The following GLIS3 variants were observed in gnomAD, a reference collection of about 807,000 sequenced individuals.
The protein encoded by GLIS3 is zinc finger protein GLIS3.
GLIS3 carries 53 observed loss-of-function variants against 78.6 expected under a neutral mutation model. The observed-to-expected ratio is 0.67, with a 90% CI of 0.54 to 0.85. The LOEUF is 0.85. Among genes scored for constraint, GLIS3 ranks in the 40% least tolerant of loss-of-function variants. The pLI, the probability that GLIS3 is intolerant of heterozygous loss-of-function variation, is 0.00. For synonymous variants in GLIS3, 684 were observed against 509.9 expected (o/e 1.34, Z -4.60); for missense variants, 1,703 against 1,231.1 (o/e 1.38, Z -5.74).
At chr9:4,369,043 G>A in the GLIS3 span, among the ~76,000 whole-genome samples, 1 of 152,214 alleles carries the variant, frequency 6.6e-6, no homozygotes, top group Non-Finnish European at 1.5e-5. Context: ...TCTAAATGTA[G>A]AGAAATAGAC....
At chr9:4,063,961 C>A (rs1023693212) in intron 4 of GLIS3, among the ~76,000 whole-genome samples, 1 of 151,804 alleles carries the variant, frequency 6.6e-6, no homozygotes, top group Non-Finnish European at 1.5e-5. Flanking sequence ...TCCTGTTTAG[C>A]GAAACAGAAA....
chr9:4,020,587 C>T (rs1490116275), intron 4 of GLIS3, among the ~76,000 whole-genome samples: 1 of 152,222 alleles, frequency 6.6e-6, no homozygotes, highest in Non-Finnish European at 1.5e-5. Flanking sequence ...AAACCACATA[C>T]TTATGCAGTG....
the GLIS3 span, among the ~76,000 whole-genome samples, chr9:4,480,147 C>G: frequency 6.7e-6 from 1 of 148,344 alleles, no homozygotes; most frequent in Admixed American, 6.7e-5. Context: ...GGAGACGTGT[C>G]TTTCTTACAC....
chr9:3,923,965 T>C (rs1825060853), intron 6 of GLIS3, among the ~76,000 whole-genome samples: 1 of 152,240 alleles, frequency 6.6e-6, no homozygotes, highest in African/African-American at 2.4e-5. Context: ...GAAAAATACA[T>C]TTTGCATATA....
At chr9:4,376,758 A>G in the GLIS3 span, among the ~76,000 whole-genome samples, 1 of 136,170 alleles carries the variant, frequency 7.3e-6, no homozygotes, top group South Asian at 2.8e-4. Flanking sequence ...AATATGAGAA[A>G]AAAGTTTTAA....
At chr9:4,270,948 C>G (rs988982193) in intron 2 of GLIS3, among the ~76,000 whole-genome samples, 6 of 147,780 alleles carry the variant, frequency 4.1e-5, no homozygotes, top group Non-Finnish European at 7.4e-5. Flanking sequence ...CACAACTGAC[C>G]CTTGAACAAC....
At chr9:4,432,768 G>A in the GLIS3 span, among the ~76,000 whole-genome samples, 1 of 151,206 alleles carries the variant, frequency 6.6e-6, no homozygotes, top group Non-Finnish European at 1.5e-5. Context: ...AGCCTCCCGA[G>A]TAGCTGGGAT....
intron 4 of GLIS3, among the ~76,000 whole-genome samples, chr9:4,307,105 T>C (rs976203534): frequency 2.6e-5 from 4 of 152,200 alleles, no homozygotes; most frequent in Admixed American, 6.5e-5. Context: ...GGGCTTATTA[T>C]GTATCAGGCT....
At chr9:4,031,187 G>A (rs1318978476) in intron 4 of GLIS3, among the ~76,000 whole-genome samples, 7 of 152,082 alleles carry the variant, frequency 4.6e-5, no homozygotes, top group South Asian at 2.1e-4. Context: ...AAACAAATAC[G>A]TCACAGCAGT....
In GLIS3 at chr9:3,942,820, G is replaced by A. The variant is rs868564320; in HGVS notation, c.1711-5631C>T. ...ATACTTTGAGCAGCAACATTCTAGG[G>A]ATCATTAGGTCACCTTAATCTTGAA... On this transcript the variant is annotated intron_variant, in intron 4 of 10. Coordinates refer to ENST00000381971, the MANE Select transcript of GLIS3 (RefSeq NM_001042413.2). 5.3e-5 allele frequency among the ~76,000 whole-genome samples: 8 copies of A among 152,188 alleles called. No homozygotes were observed. In the South Asian group the frequency reaches 6.2e-4, roughly 12 times the overall value.
chr9:3,992,854 T>C (rs1347501104), intron 4 of GLIS3, among the ~76,000 whole-genome samples: 5 of 152,216 alleles, frequency 3.3e-5, no homozygotes. Context: ...AACACTTTTA[T>C]CCCTCAGGAG....
the GLIS3 span, among the ~76,000 whole-genome samples, chr9:4,415,653 A>T: frequency 6.6e-6 from 1 of 152,350 alleles, no homozygotes; most frequent in South Asian, 2.1e-4. Flanking sequence ...AACAGTGCAA[A>T]TGTGACCTTA....
chr9:4,050,596 T>TAATAAA (rs1340961012), intron 4 of GLIS3, among the ~76,000 whole-genome samples: 3 of 152,214 alleles, frequency 2.0e-5, no homozygotes, highest in East Asian at 3.9e-4. Context: ...TAAAGTATAA[T>TAATAAA]AATAAAAATA....
chr9:4,466,146 C>T, the GLIS3 span, among the ~76,000 whole-genome samples: 5 of 152,056 alleles, frequency 3.3e-5, no homozygotes, highest in Non-Finnish European at 7.4e-5. Context: ...ATCTAAAGGA[C>T]CTTAAAGATA....
chr9:3,878,567 CT>C (rs1195529358), intron 8 of GLIS3: 1 of 152,108 alleles, frequency 6.6e-6, no homozygotes, highest in Non-Finnish European at 1.5e-5. Context: ...TTCCTGCTGC[CT>C]ATTCAACCCA....
At chr9:4,271,137 T>C (rs1242696971) in intron 2 of GLIS3, among the ~76,000 whole-genome samples, 1 of 152,188 alleles carries the variant, frequency 6.6e-6, no homozygotes, top group Non-Finnish European at 1.5e-5. Flanking sequence ...AATATATTTT[T>C]CTTATTAATA....
chr9:4,042,159 G>T (rs568034379), intron 4 of GLIS3, among the ~76,000 whole-genome samples: 10 of 151,776 alleles, frequency 6.6e-5, no homozygotes, highest in South Asian at 4.2e-4. Context: ...ACAATCTCTT[G>T]GTCAGGAGCT....
rs1430972649 is a variant in GLIS3, at chr9:3,824,295, AT to A, written c.*3976del. 7.9e-5 allele frequency: 12 copies of A among 152,644 alleles called. No individual in the cohort carries two copies. Among genetic ancestry groups the A allele is most frequent in the Non-Finnish European group, 1.3e-4 (9 of 68,052 alleles). The allele number at this position is 152,644 out of a possible 1,614,324, so 9.5% of individuals were successfully genotyped here. On this transcript the variant is annotated 3_prime_UTR_variant, in exon 11 of 11. Coordinates refer to ENST00000381971, the MANE Select transcript of GLIS3 (RefSeq NM_001042413.2). ...CAGCTCTGGCCCAAAGCAATGCAGC[AT>A]TTTAAAGCTGGACTTGAACATTCCC...
At chr9:3,832,457 C>T (rs1818104727) in intron 9 of GLIS3, among the ~76,000 whole-genome samples, 1 of 152,098 alleles carries the variant, frequency 6.6e-6, no homozygotes, top group African/African-American at 2.4e-5. Context: ...GAGCTGTATA[C>T]CTCTTCTTGC....
Sources: gnomAD v4.1 joint callset for allele counts (sites outside exome capture counted in the v4.1 genomes callset) on GRCh38, gnomAD v4.1.1 for gene constraint, MANE v1.5 for transcripts, NCBI Gene and HGNC (gene_info 2026-07-23, HGNC 2026-07-21) for gene names.